The following NPAS2 variants were observed in gnomAD, a reference collection of about 807,000 sequenced individuals.
NPAS2 encodes neuronal PAS domain protein 2.
In NPAS2, 23 loss-of-function variants were observed where a neutral mutation model predicts 107.5. That is an observed-to-expected ratio of 0.21 (90% CI 0.15 to 0.30). The LOEUF (loss-of-function observed/expected upper bound fraction) is 0.30, where lower values mean the gene tolerates loss of function less well. Among genes scored for constraint, NPAS2 ranks in the 10% least tolerant of loss-of-function variants. NPAS2 has a pLI of 1.00. For missense variants in NPAS2, 756 were observed against 1,043.3 expected (o/e 0.72, Z 3.79); for synonymous variants, 403 against 417.5 (o/e 0.97, Z 0.42).
At chr2:100,923,215 G>C (rs1299910199) in intron 2 of NPAS2, among the ~76,000 whole-genome samples, 3 of 152,086 alleles carry the variant, frequency 2.0e-5, no homozygotes, top group Non-Finnish European at 4.4e-5. Flanking sequence ...CGAGGGACAG[G>C]GCCTTTGTAG....
chr2:100,912,839 G>A (rs62152892), intron 2 of NPAS2, among the ~76,000 whole-genome samples: 24,263 of 152,252 alleles, frequency 0.16, 2,545 homozygotes, highest in Non-Finnish European at 0.23. Context: ...CTTTATTCAA[G>A]GGAAGGAGAA....
chr2:100,945,745 A>G (rs2105028237), intron 5 of NPAS2, among the ~76,000 whole-genome samples: 2 of 152,130 alleles, frequency 1.3e-5, no homozygotes, highest in South Asian at 4.2e-4. Flanking sequence ...TGGCTGGAGC[A>G]CCTTCCCACC....
rs749697021 is a variant in NPAS2, at chr2:100,925,232, C to T, written c.119C>T (p.Thr40Met). ...KELSSMLPGN[T>M]RKMDKTTVLE... is the part of the protein sequence containing the mutation. ...CTCAGTTCCATGCTCCCTGGCAACACGCGGAAAATGGACAAAACCACCGTG... is the reference window on the plus strand; with the variant it reads ...CTCAGTTCCATGCTCCCTGGCAACATGCGGAAAATGGACAAAACCACCGTG... Residue 40 changes from threonine to methionine, a missense_variant, in exon 3 of 21, where the codon ACG becomes ATG. Thr to Met is a moderately conservative substitution (Grantham distance 81). Coordinates refer to ENST00000335681, the MANE Select transcript of NPAS2 (RefSeq NM_002518.4). 9.3e-6 allele frequency: 15 copies of T among 1,613,914 alleles called. No individual in the cohort carries two copies. The highest frequency in any genetic ancestry group is 5.3e-5 in the African/African-American group (4 of 74,864).
intron 8 of NPAS2, 58 bp from the exon 9 acceptor site, chr2:100,964,803 C>T (rs1463973164): frequency 3.7e-6 from 4 of 1,067,078 alleles, no homozygotes; most frequent in African/African-American, 1.6e-5. Context: ...CTTGAACAAA[C>T]CTAGGGTGAG....
At chr2:100,855,476 C>T (rs1678497188) in intron 1 of NPAS2, among the ~76,000 whole-genome samples, 1 of 152,196 alleles carries the variant, frequency 6.6e-6, no homozygotes, top group Non-Finnish European at 1.5e-5. Context: ...GTTTGCATGT[C>T]TCCATGAAAA....
At chr2:100,840,161 C>T (rs569622695) in intron 1 of NPAS2, among the ~76,000 whole-genome samples, 16 of 152,260 alleles carry the variant, frequency 1.1e-4, no homozygotes, top group Admixed American at 4.6e-4. Context: ...TTCACCCTTT[C>T]GGACAGCTCT....
At chr2:100,950,634 T>C (rs1170607185) in intron 7 of NPAS2, among the ~76,000 whole-genome samples, 1 of 152,214 alleles carries the variant, frequency 6.6e-6, no homozygotes, top group Non-Finnish European at 1.5e-5. Context: ...TCCAACTAGA[T>C]GCTAAACCTT....
intron 5 of NPAS2, among the ~76,000 whole-genome samples, chr2:100,941,173 T>C (rs1209786777): frequency 6.6e-6 from 1 of 152,238 alleles, no homozygotes; most frequent in Non-Finnish European, 1.5e-5. Context: ...ATGTGATAGA[T>C]TTTCGTACAG....
chr2:100,851,136 T>C (rs1678149640), intron 1 of NPAS2, among the ~76,000 whole-genome samples: 3 of 152,014 alleles, frequency 2.0e-5, no homozygotes, highest in Admixed American at 2.0e-4. Context: ...GAATGGGAGT[T>C]GCGGGGGCTG....
chr2:100,829,601 AAG>A (rs1256449449), intron 1 of NPAS2, among the ~76,000 whole-genome samples: 1 of 152,088 alleles, frequency 6.6e-6, no homozygotes, highest in Non-Finnish European at 1.5e-5. Context: ...ATCAGCAGCA[AAG>A]AGAGAGAGTC....
rs367754425 is a variant in NPAS2, at chr2:100,858,970, AAC to A, written c.-23+38560_-23+38561del. 4.6e-4 allele frequency among the ~76,000 whole-genome samples: 70 copies of A among 152,348 alleles called. 2 individuals carry two copies. In the East Asian group the frequency reaches 9.8e-3, roughly 21 times the overall value. On this transcript the variant is annotated intron_variant, in intron 1 of 20. Coordinates refer to ENST00000335681, the MANE Select transcript of NPAS2 (RefSeq NM_002518.4). ...TAAGTTGTTGGAGTAAAATAATAAA[AAC>A]ACATGCATTTGTCTGGGCACGGTGG...
chr2:100,866,081 C>T (rs1423892224), intron 1 of NPAS2, among the ~76,000 whole-genome samples: 2 of 152,182 alleles, frequency 1.3e-5, no homozygotes, highest in Non-Finnish European at 2.9e-5. Flanking sequence ...GCTCTGGTCC[C>T]TGCAGCTGTC....
At chr2:100,891,130 G>C (rs1461245593) in intron 1 of NPAS2, among the ~76,000 whole-genome samples, 2 of 152,126 alleles carry the variant, frequency 1.3e-5, no homozygotes, top group East Asian at 3.9e-4. Flanking sequence ...TACTCGGGAG[G>C]CTGAGGCAGG....
chr2:100,881,958 C>A (rs112795236), intron 1 of NPAS2, among the ~76,000 whole-genome samples: 1 of 152,202 alleles, frequency 6.6e-6, no homozygotes, highest in African/African-American at 2.4e-5. Context: ...CTGCCCGGAG[C>A]CCAGGCTGGG....
At chr2:100,848,446 C>T (rs1677926831) in intron 1 of NPAS2, among the ~76,000 whole-genome samples, 1 of 152,058 alleles carries the variant, frequency 6.6e-6, no homozygotes, top group Non-Finnish European at 1.5e-5. Context: ...CAAGGAAACT[C>T]ATGAAACAGG....
At chr2:100,924,552 G>A (rs559649143) in intron 2 of NPAS2, among the ~76,000 whole-genome samples, 4 of 152,272 alleles carry the variant, frequency 2.6e-5, no homozygotes, top group South Asian at 2.1e-4. Flanking sequence ...AAAAGTGTTC[G>A]TCTGCTCTTA....
At chr2:100,957,648 C>T (rs772618518) in intron 7 of NPAS2, among the ~76,000 whole-genome samples, 1 of 152,232 alleles carries the variant, frequency 6.6e-6, no homozygotes, top group African/African-American at 2.4e-5. Context: ...AAGGTCCTGC[C>T]GGGCGCGGTG....
At chr2:100,830,168 G>A (rs930368176) in intron 1 of NPAS2, among the ~76,000 whole-genome samples, 4 of 152,144 alleles carry the variant, frequency 2.6e-5, no homozygotes, top group Non-Finnish European at 2.9e-5. Context: ...ATCAGACTAC[G>A]TGCAATAACA....
chr2:100,919,438 G>T (rs2104858052), intron 2 of NPAS2, among the ~76,000 whole-genome samples: 1 of 152,272 alleles, frequency 6.6e-6, no homozygotes, highest in Non-Finnish European at 1.5e-5. Context: ...ACTTTTTCGA[G>T]GCTAATGAAG....
Sources: gnomAD v4.1 joint callset for allele counts (sites outside exome capture counted in the v4.1 genomes callset) on GRCh38, gnomAD v4.1.1 for gene constraint, MANE v1.5 for transcripts, NCBI Gene and HGNC (gene_info 2026-07-23, HGNC 2026-07-21) for gene names.